The following NCAM2 variants were observed in gnomAD, a reference collection of about 807,000 sequenced individuals.
NCAM2 encodes neural cell adhesion molecule 2, also known as N-CAM-2.
A neutral mutation model predicts 98.1 loss-of-function variants in NCAM2; 30 were observed. That is an observed-to-expected ratio of 0.31 (90% confidence interval 0.23 to 0.41). The LOEUF (loss-of-function observed/expected upper bound fraction) is 0.41. NCAM2 is among the 10% of genes least tolerant of loss of function. The probability of loss-of-function intolerance (pLI) is 1.00; values close to 1 mark genes in which losing one functional copy is unlikely to be tolerated. For synonymous variants in NCAM2, 368 were observed against 342.4 expected (o/e 1.07, Z -0.83); for missense variants, 867 against 1,005.8 (o/e 0.86, Z 1.87).
chr21:21,048,998 T>G (rs905474138), intron 1 of NCAM2, among the ~76,000 whole-genome samples: 1 of 146,854 alleles, frequency 6.8e-6, no homozygotes, highest in African/African-American at 2.5e-5. Flanking sequence ...TATTTACTAT[T>G]TATATTTACT....
At chr21:21,417,677 A>G (rs13048170) in intron 10 of NCAM2, among the ~76,000 whole-genome samples, 8,584 of 152,138 alleles carry the variant, frequency 0.056, 356 homozygotes, top group Non-Finnish European at 0.086. Flanking sequence ...CTCAGTGTTC[A>G]CCAATAGAAT....
At chr21:21,470,764 T>G (rs989701597) in intron 14 of NCAM2, among the ~76,000 whole-genome samples, 1 of 151,792 alleles carries the variant, frequency 6.6e-6, no homozygotes, top group African/African-American at 2.4e-5. Flanking sequence ...TTGATTGTAT[T>G]AATTCATACA....
intron 5 of NCAM2, among the ~76,000 whole-genome samples, chr21:21,321,494 G>A (rs977416794): frequency 2.0e-5 from 3 of 152,124 alleles, no homozygotes; most frequent in Admixed American, 6.6e-5. Context: ...GCCAAAGCCA[G>A]TGTCGAGAAG....
chr21:21,354,582 G>A (rs1413739686), intron 8 of NCAM2, among the ~76,000 whole-genome samples: 7 of 152,150 alleles, frequency 4.6e-5, no homozygotes, highest in Non-Finnish European at 7.4e-5. Flanking sequence ...GTGGTTCACA[G>A]ATCACATTTT....
intron 1 of NCAM2, among the ~76,000 whole-genome samples, chr21:21,074,750 G>T (rs1428946952): frequency 6.6e-6 from 1 of 152,044 alleles, no homozygotes; most frequent in Non-Finnish European, 1.5e-5. Flanking sequence ...CTTCTTGTCT[G>T]GTCTGATTTT....
At chr21:21,471,611 A>G (rs1040857525) in intron 14 of NCAM2, among the ~76,000 whole-genome samples, 1 of 152,076 alleles carries the variant, frequency 6.6e-6, no homozygotes, top group Non-Finnish European at 1.5e-5. Flanking sequence ...CACATCTTTC[A>G]ACTCCAGTGT....
chr21:21,433,922 T>G (rs2077410288), intron 12 of NCAM2, among the ~76,000 whole-genome samples: 1 of 152,034 alleles, frequency 6.6e-6, no homozygotes. Flanking sequence ...TAATATTAAG[T>G]CTGAATATTA....
rs188786858 is a variant in NCAM2 at position 21,010,394 on chromosome 21, C to T, written c.55+11776C>T. 3.3e-5 allele frequency among the ~76,000 whole-genome samples: 5 copies of T among 152,082 alleles called. No individual in the cohort carries two copies. The East Asian group carries it at 5.8e-4, about 18-fold the overall frequency. ...ATGAAATGTTCAACTTTACTGTGCTCGTGTTATTAAAATAACACTTCTTAG... is the reference window on the plus strand; with the variant it reads ...ATGAAATGTTCAACTTTACTGTGCTTGTGTTATTAAAATAACACTTCTTAG... On this transcript the variant is annotated intron_variant, in intron 1 of 17. Transcript: ENST00000400546.
In NCAM2 at chr21:21,167,447, G is replaced by A. The variant is rs141398774; in HGVS notation, c.56-113131G>A. Among the ~76,000 whole-genome samples, 9 of 151,958 alleles carry A rather than the reference G, an allele frequency of 5.9e-5. No homozygotes were observed. The East Asian group carries it at 1.7e-3, about 29-fold the overall frequency. ...TTGAACTTCAGGAAACAGAAAAAAA[G>A]AGCACAGTTACCTAAAGTAAGCATA... is the stretch of plus-strand genomic sequence containing the variant. On this transcript the variant is annotated intron_variant, in intron 1 of 17. Coordinates refer to ENST00000400546, the MANE Select transcript of NCAM2 (RefSeq NM_004540.5).
chr21:21,324,765 G>A (rs1472493404), intron 6 of NCAM2, among the ~76,000 whole-genome samples: 1 of 151,940 alleles, frequency 6.6e-6, no homozygotes, highest in Non-Finnish European at 1.5e-5. Context: ...TGGAAAAATG[G>A]GACCAGGAGC....
chr21:21,468,699 C>G lies in NCAM2; in HGVS notation c.1812C>G (p.Ser604Arg). ...CTCCATCCATACATGGACAGCCAAGCAGTGGAAAGAGCTTTAAACTCAGCA... is the reference window on the plus strand; with the variant it reads ...CTCCATCCATACATGGACAGCCAAGGAGTGGAAAGAGCTTTAAACTCAGCA... Reference protein sequence around the residue: ...PSPPSIHGQPSSGKSFKLSIT... With the variant: ...PSPPSIHGQPRSGKSFKLSIT... The change falls in exon 14 of 18, where the codon AGC (serine) becomes AGG (arginine). Residue 604 changes from serine to arginine, a missense_variant. Coordinates refer to ENST00000400546, the MANE Select transcript of NCAM2 (RefSeq NM_004540.5). The G allele has an allele frequency of 6.2e-7, 1 of 1,611,784 alleles. No homozygotes were observed. Among genetic ancestry groups the G allele is most frequent in the South Asian group, 1.1e-5 (1 of 90,936 alleles).
At chr21:21,457,390 C>G (rs1982307444) in intron 12 of NCAM2, among the ~76,000 whole-genome samples, 2 of 152,060 alleles carry the variant, frequency 1.3e-5, no homozygotes, top group Non-Finnish European at 2.9e-5. Context: ...GCTTGTCATC[C>G]CAGCACTTTG....
chr21:21,470,870 T>G, intron 14 of NCAM2, among the ~76,000 whole-genome samples: 1 of 152,074 alleles, frequency 6.6e-6, no homozygotes, highest in Admixed American at 6.6e-5. Context: ...AGTAGAAATT[T>G]AGGCACCTAT....
chr21:21,449,103 TA>T (rs1368924379), intron 12 of NCAM2, among the ~76,000 whole-genome samples: 1 of 152,098 alleles, frequency 6.6e-6, no homozygotes, highest in Non-Finnish European at 1.5e-5. Context: ...CACAAATTCA[TA>T]CATAATTCTA....
chr21:21,289,513 C>T (rs4818611), intron 4 of NCAM2, among the ~76,000 whole-genome samples: 118,612 of 151,820 alleles, frequency 0.78, 46,459 homozygotes, highest in South Asian at 0.85. Flanking sequence ...AGGCAAACGT[C>T]GGTGCGGAAT....
intron 1 of NCAM2, among the ~76,000 whole-genome samples, chr21:21,156,118 A>G (rs1395057901): frequency 6.6e-6 from 1 of 152,036 alleles, no homozygotes; most frequent in Non-Finnish European, 1.5e-5. Context: ...AATCTCCACC[A>G]GTTCTCTAAG....
intron 9 of NCAM2, among the ~76,000 whole-genome samples, chr21:21,399,556 C>A (rs2076584583): frequency 6.6e-6 from 1 of 152,118 alleles, no homozygotes; most frequent in Admixed American, 6.6e-5. Context: ...TTATTCTCAT[C>A]AATATGATTT....
intron 1 of NCAM2, among the ~76,000 whole-genome samples, chr21:21,240,854 A>G (rs542404341): frequency 2.4e-4 from 36 of 152,254 alleles, no homozygotes; most frequent in Admixed American, 1.4e-3. Context: ...AATTATATAT[A>G]TCTCACAGGA....
In NCAM2 at chr21:20,998,427, C is replaced by CGCGGGCT. The variant is rs889219107; in HGVS notation, c.-130_-124dup. 4.7e-5 allele frequency: 33 copies of CGCGGGCT among 696,102 alleles called. No homozygotes were observed. The African/African-American group carries it at 5.2e-4, about 11-fold the overall frequency. The allele number at this position is 696,102 out of a possible 1,614,324, so 43.1% of individuals were successfully genotyped here. ...TGCAGTCACTTTGCGAGGAGGAGCG[C>CGCGGGCT]GCGGGCTGCGGGCGGCTGGGGCACC... is the stretch of plus-strand genomic sequence containing the variant. On this transcript the variant is annotated 5_prime_UTR_variant, in exon 1 of 18. Transcript: ENST00000400546.
Sources: allele counts gnomAD v4.1 joint callset (sites outside exome capture counted in the v4.1 genomes callset), GRCh38; gene constraint gnomAD v4.1.1; transcripts MANE v1.5; gene names NCBI Gene and HGNC (gene_info 2026-07-23, HGNC 2026-07-21).